EPHA5: variants seen among roughly 807,000 people sequenced by gnomAD.
EPHA5 encodes the protein EPH receptor A5.
A neutral mutation model predicts 105.0 loss-of-function variants in EPHA5; 60 were observed. The observed-to-expected ratio is 0.57, with a 90% confidence interval of 0.46 to 0.71. EPHA5 has a LOEUF of 0.71. Among genes scored for constraint, EPHA5 ranks in the 30% least tolerant of loss-of-function variants. EPHA5 has a pLI of 0.00. For missense variants in EPHA5, 1,218 were observed against 1,274.7 expected (o/e 0.96, Z 0.68); for synonymous variants, 513 against 449.1 (o/e 1.14, Z -1.80).
intron 5 of EPHA5, among the ~76,000 whole-genome samples, chr4:65,444,486 T>G (rs1249278594): frequency 6.6e-6 from 1 of 152,150 alleles, no homozygotes; most frequent in Non-Finnish European, 1.5e-5. Flanking sequence ...TAGAAGAATT[T>G]TTATAGGAGC....
At chr4:65,654,000 A>C (rs554922191) in intron 1 of EPHA5, among the ~76,000 whole-genome samples, 4 of 152,188 alleles carry the variant, frequency 2.6e-5, no homozygotes, top group Non-Finnish European at 4.4e-5. Context: ...TATGGACAGC[A>C]ATCTGCTTGC....
At chr4:65,328,581 G>T (rs1450615234) in intron 16 of EPHA5, among the ~76,000 whole-genome samples, 4 of 151,038 alleles carry the variant, frequency 2.6e-5, no homozygotes, top group African/African-American at 9.7e-5. Flanking sequence ...ACAGATTAAT[G>T]AATATTCCCC....
chr4:65,435,147 T>G (rs1725358422), intron 5 of EPHA5, among the ~76,000 whole-genome samples: 1 of 152,140 alleles, frequency 6.6e-6, no homozygotes, highest in African/African-American at 2.4e-5. Flanking sequence ...GGTCGTAAAC[T>G]ATATATACAC....
At chr4:65,581,072 G>C (rs1490954246) in intron 3 of EPHA5, among the ~76,000 whole-genome samples, 1 of 151,744 alleles carries the variant, frequency 6.6e-6, no homozygotes, top group African/African-American at 2.4e-5. Context: ...TCTTCAACTA[G>C]GAAAAGGTAA....
intron 3 of EPHA5, among the ~76,000 whole-genome samples, chr4:65,580,027 C>A (rs1359228595): frequency 6.6e-6 from 1 of 151,780 alleles, no homozygotes; most frequent in Non-Finnish European, 1.5e-5. Flanking sequence ...AATATGCATA[C>A]AACAGAGTGC....
intron 3 of EPHA5, among the ~76,000 whole-genome samples, chr4:65,575,849 C>G (rs900158304): frequency 6.6e-6 from 1 of 151,042 alleles, no homozygotes; most frequent in Non-Finnish European, 1.5e-5. Flanking sequence ...TAGTGATGGG[C>G]GCCTGTAATC....
Position 65,351,929 on chromosome 4 carries a change from G to A in EPHA5, c.2236-331C>T, listed in dbSNP as rs377107855. Among the ~76,000 whole-genome samples the A allele has an allele frequency of 3.6e-4, 55 of 152,072 alleles. 1 individual carries two copies. The highest frequency in any genetic ancestry group is 1.3e-3 in the African/African-American group (53 of 41,500). ...CTAGTATCTGCCTTGGGTCAACACC[G>A]TACTATTTTGATGTGATTTAAAAGA... On this transcript the variant is annotated intron_variant, in intron 12 of 16. Coordinates refer to ENST00000613740, the MANE Select transcript of EPHA5 (RefSeq NM_001281766.3).
In EPHA5 at chr4:65,322,176, G is replaced by A. The variant is rs1006696821; in HGVS notation, c.*1938C>T. The A allele has an allele frequency of 2.7e-5, 6 of 224,266 alleles. No homozygotes were observed. Among genetic ancestry groups the A allele is most frequent in the Admixed American group, 5.7e-5 (1 of 17,392 alleles). The allele number at this position is 224,266 out of a possible 1,614,324, so 13.9% of individuals were successfully genotyped here. ...CATGGTATATAGCCCTTATTATTAT[G>A]AGAACTGAATGTATTATTTGAAAAC... On this transcript the variant is annotated 3_prime_UTR_variant, in exon 17 of 17. Transcript: ENST00000613740.
At position 65,365,965 on chromosome 4, in the gene EPHA5, A is replaced by T. The variant is rs56359290; in HGVS notation, c.1954T>A (p.Ser652Thr). The change falls in exon 10 of 17, where the codon TCA becomes ACA. Residue 652 changes from serine (S) to threonine (T), a missense_variant. Physicochemically the swap from Ser to Thr is moderately conservative, Grantham distance 58. Transcript: ENST00000613740. ...VHEFAKEIEA[S>T]CITIERVIGA... ...ATAACTCTCTCAATGGTGATACATG[A>T]TGCTTCTATCTCCTTAGCAAATTCG... The T allele has an allele frequency of 2.6e-4, 417 of 1,609,052 alleles. 3 individuals carry two copies. In the East Asian group the frequency reaches 7.6e-3, roughly 29 times the overall value.
At chr4:65,331,510 C>T in intron 16 of EPHA5, 2 of 1,053,146 alleles carry the variant, frequency 1.9e-6, no homozygotes, top group Non-Finnish European at 2.3e-6. Flanking sequence ...GAGATCCTGC[C>T]AGGGAAGCTT....
At chr4:65,449,653 C>T (rs796815950) in intron 5 of EPHA5, among the ~76,000 whole-genome samples, 21 of 152,086 alleles carry the variant, frequency 1.4e-4, no homozygotes, top group African/African-American at 5.1e-4. Flanking sequence ...GTCCCCAATC[C>T]CATTACTCGT....
chr4:65,601,389 A>G (rs912061865), intron 3 of EPHA5, among the ~76,000 whole-genome samples: 5 of 152,220 alleles, frequency 3.3e-5, no homozygotes, highest in Non-Finnish European at 5.9e-5. Flanking sequence ...AGCAAAGTGA[A>G]TATGAAATAT....
chr4:65,340,704 A>T (rs1307062231), intron 14 of EPHA5, among the ~76,000 whole-genome samples: 2 of 152,170 alleles, frequency 1.3e-5, no homozygotes, highest in African/African-American at 4.8e-5. Flanking sequence ...GTGCCCACAG[A>T]ACCATGAAAC....
intron 3 of EPHA5, among the ~76,000 whole-genome samples, chr4:65,554,469 A>G (rs1738215012): frequency 6.6e-6 from 1 of 151,340 alleles, no homozygotes; most frequent in Non-Finnish European, 1.5e-5. Flanking sequence ...GTGCTACAGT[A>G]GTTACAAGTG....
intron 5 of EPHA5, among the ~76,000 whole-genome samples, chr4:65,427,038 C>T (rs953376463): frequency 1.3e-5 from 2 of 151,434 alleles, no homozygotes; most frequent in East Asian, 1.9e-4. Flanking sequence ...TGACTACCAC[C>T]CCTAACTATT....
At position 65,524,789 on chromosome 4, in the gene EPHA5, AT is replaced by A. The variant is rs527871395; in HGVS notation, c.911-29247del. Among the ~76,000 whole-genome samples, 29 of 151,814 alleles carry A rather than the reference AT, an allele frequency of 1.9e-4. No individual in the cohort carries two copies. In the East Asian group the frequency reaches 4.8e-3, roughly 25 times the overall value. On this transcript the variant is annotated intron_variant, in intron 3 of 16. Coordinates refer to ENST00000613740, the MANE Select transcript of EPHA5 (RefSeq NM_001281766.3). ...AGTTTTTAGAGTACTGACACCAATA[AT>A]TTTTCCAAGAAAAATAACAGATTGT... is the stretch of plus-strand genomic sequence containing the variant.
chr4:65,583,015 A>T (rs1741785626), intron 3 of EPHA5, among the ~76,000 whole-genome samples: 1 of 151,610 alleles, frequency 6.6e-6, no homozygotes, highest in South Asian at 2.1e-4. Context: ...TTTAATCTAC[A>T]ATTGAATTCT....
intron 3 of EPHA5, among the ~76,000 whole-genome samples, chr4:65,600,308 G>A (rs963849736): frequency 1.3e-5 from 2 of 151,894 alleles, no homozygotes; most frequent in African/African-American, 4.8e-5. Flanking sequence ...TTTTATAAAC[G>A]TAATTTTGAT....
At chr4:65,550,509 C>G (rs1737793377) in intron 3 of EPHA5, among the ~76,000 whole-genome samples, 1 of 152,056 alleles carries the variant, frequency 6.6e-6, no homozygotes, top group Non-Finnish European at 1.5e-5. Context: ...TTTTCTGCCA[C>G]TCATATCCAG....
Sources: gnomAD v4.1 joint callset for allele counts (sites outside exome capture counted in the v4.1 genomes callset) on GRCh38, gnomAD v4.1.1 for gene constraint, MANE v1.5 for transcripts, NCBI Gene and HGNC (gene_info 2026-07-23, HGNC 2026-07-21) for gene names.